Variants in RBFOX1 observed in about 807,000 individuals in gnomAD.
RBFOX1 encodes the protein RNA binding fox-1 homolog 1, also known as RNA binding protein fox-1 homolog 1.
RBFOX1 carries 8 observed loss-of-function variants against 57.7 expected under a neutral mutation model. The observed-to-expected ratio is 0.14, with a 90% CI of 0.08 to 0.25. RBFOX1 has a LOEUF of 0.25. Among genes scored for constraint, RBFOX1 ranks in the 10% least tolerant of loss-of-function variants. The pLI is 1.00. For synonymous variants in RBFOX1, 326 were observed against 222.4 expected (o/e 1.47, Z -4.15); for missense variants, 611 against 548.5 (o/e 1.11, Z -1.14).
chr16:6,041,351 G>A (rs1394480656), intron 1 of RBFOX1, among the ~76,000 whole-genome samples: 1 of 152,128 alleles, frequency 6.6e-6, no homozygotes, highest in Admixed American at 6.5e-5. Flanking sequence ...GGTGGGGAGA[G>A]GAGATATCAA....
chr16:5,889,511 G>C (rs757526962), intron 4 of RBFOX1, among the ~76,000 whole-genome samples: 4 of 152,170 alleles, frequency 2.6e-5, no homozygotes, highest in Admixed American at 2.0e-4. Flanking sequence ...ATGTGAAATA[G>C]TGCTGCAATG....
At chr16:7,526,103 A>C (rs887002682) in intron 5 of RBFOX1, among the ~76,000 whole-genome samples, 4 of 152,116 alleles carry the variant, frequency 2.6e-5, no homozygotes, top group African/African-American at 9.7e-5. Flanking sequence ...AGAAGCGTGA[A>C]CCCTATTGTG....
chr16:5,321,786 C>T lies in RBFOX1; in HGVS notation c.219+81681C>T, dbSNP rs182989543. Among the ~76,000 whole-genome samples the T allele has an allele frequency of 2.2e-4, 34 of 152,196 alleles. 1 individual carries two copies. Among genetic ancestry groups the T allele is most frequent in the East Asian group, 1.2e-3 (6 of 5,164 alleles). On this transcript the variant is annotated intron_variant, in intron 1 of 2. Coordinates refer to the RBFOX1 transcript ENST00000585867. ...TGCTGGCAACAGAAGAGAATGTGCA[C>T]GGCGTGTGGCGTCTGTGACTCTCAT... is the stretch of plus-strand genomic sequence containing the variant.
At chr16:5,353,808 C>G (rs945974387) in intron 1 of RBFOX1, among the ~76,000 whole-genome samples, 1 of 151,912 alleles carries the variant, frequency 6.6e-6, no homozygotes, top group African/African-American at 2.4e-5. Flanking sequence ...TGTGCGCTTG[C>G]TCGCATCCGG....
chr16:7,640,413 A>G (rs908721912), intron 11 of RBFOX1, among the ~76,000 whole-genome samples: 3 of 152,236 alleles, frequency 2.0e-5, no homozygotes, highest in Non-Finnish European at 4.4e-5. Context: ...TGGCTGCAAA[A>G]GGCCGCCAGT....
At chr16:6,878,310 G>T (rs2062223196) in intron 3 of RBFOX1, among the ~76,000 whole-genome samples, 1 of 152,150 alleles carries the variant, frequency 6.6e-6, no homozygotes, top group Non-Finnish European at 1.5e-5. Context: ...AACTATAAAT[G>T]AAAGTGACAG....
chr16:6,806,805 A>AATAT (rs2086879000), intron 3 of RBFOX1, among the ~76,000 whole-genome samples: 3 of 110,252 alleles, frequency 2.7e-5, no homozygotes, highest in African/African-American at 6.7e-5. Context: ...TATATATATA[A>AATAT]ATAAATATAT....
At chr16:5,923,662 C>G in intron 4 of RBFOX1, among the ~76,000 whole-genome samples, 1 of 151,692 alleles carries the variant, frequency 6.6e-6, no homozygotes, top group East Asian at 1.9e-4. Context: ...CTGCCTTAAC[C>G]TCCCAAATAG....
chr16:5,963,149 T>C (rs2152290197), intron 4 of RBFOX1, among the ~76,000 whole-genome samples: 1 of 152,344 alleles, frequency 6.6e-6, no homozygotes, highest in Admixed American at 6.5e-5. Context: ...TGCATGTTGA[T>C]CTAAGTGCAT....
chr16:5,466,890 T>G (rs1597182362), intron 1 of RBFOX1, among the ~76,000 whole-genome samples: 1 of 152,320 alleles, frequency 6.6e-6, no homozygotes, highest in African/African-American at 2.4e-5. Flanking sequence ...ACCCCGTAAT[T>G]CATCTTGTTA....
intron 1 of RBFOX1, among the ~76,000 whole-genome samples, chr16:6,200,357 G>A (rs780591403): frequency 5.3e-5 from 8 of 152,064 alleles, no homozygotes; most frequent in Non-Finnish European, 8.8e-5. Flanking sequence ...AAGCATCTGC[G>A]ATGTAGTAGG....
At chr16:7,105,972 T>C (rs2063516461) in intron 4 of RBFOX1, among the ~76,000 whole-genome samples, 1 of 152,190 alleles carries the variant, frequency 6.6e-6, no homozygotes, top group Non-Finnish European at 1.5e-5. Flanking sequence ...TCTGTGCTAA[T>C]GACAACTCTA....
intron 2 of RBFOX1, among the ~76,000 whole-genome samples, chr16:5,476,650 G>T (rs1202589382): frequency 1.3e-5 from 2 of 152,186 alleles, no homozygotes; most frequent in African/African-American, 4.8e-5. Flanking sequence ...GAATTTACTT[G>T]TTGAGGACAA....
At chr16:6,132,566 A>C (rs886416443) in intron 1 of RBFOX1, among the ~76,000 whole-genome samples, 1 of 152,146 alleles carries the variant, frequency 6.6e-6, no homozygotes, top group Non-Finnish European at 1.5e-5. Context: ...AAGTTCAGTT[A>C]CTCACTGGGG....
intron 3 of RBFOX1, among the ~76,000 whole-genome samples, chr16:6,737,382 A>G (rs1013423074): frequency 7.2e-5 from 11 of 152,228 alleles, no homozygotes; most frequent in African/African-American, 2.7e-4. Context: ...GGTAAAGACT[A>G]GAAGAAATAT....
At chr16:6,548,927 T>G (rs1255152437) in intron 2 of RBFOX1, among the ~76,000 whole-genome samples, 1 of 150,874 alleles carries the variant, frequency 6.6e-6, no homozygotes, top group African/African-American at 2.4e-5. Context: ...AGTACAAAAA[T>G]TAGCTGGGCA....
At chr16:6,450,831 A>ATGTG (rs2094596216) in intron 2 of RBFOX1, among the ~76,000 whole-genome samples, 6 of 34,486 alleles carry the variant, frequency 1.7e-4, no homozygotes, top group African/African-American at 3.0e-4. Flanking sequence ...ATATATATAT[A>ATGTG]TATATGTGTA....
At chr16:6,242,797 C>G (rs1180972390) in intron 1 of RBFOX1, among the ~76,000 whole-genome samples, 1 of 152,048 alleles carries the variant, frequency 6.6e-6, no homozygotes, top group Non-Finnish European at 1.5e-5. Flanking sequence ...ACACATAACC[C>G]TTGTTTTAAG....
intron 2 of RBFOX1, among the ~76,000 whole-genome samples, chr16:6,508,480 A>T (rs2096169626): frequency 6.6e-6 from 1 of 152,168 alleles, no homozygotes; most frequent in Non-Finnish European, 1.5e-5. Context: ...AACCAAAAAG[A>T]AAACATAATT....
Sources: allele counts gnomAD v4.1 joint callset (sites outside exome capture counted in the v4.1 genomes callset), GRCh38; gene constraint gnomAD v4.1.1; transcripts MANE v1.5; gene names NCBI Gene and HGNC (gene_info 2026-07-23, HGNC 2026-07-21).